AURKB: variants seen among roughly 807,000 people sequenced by gnomAD.
AURKB encodes aurora kinase B, also known as aurora kinase B-Sv1.
Under a neutral mutation model 36.5 loss-of-function variants are expected in AURKB, and 28 were observed. The observed-to-expected ratio is 0.77, with a 90% confidence interval of 0.57 to 1.05. The LOEUF (loss-of-function observed/expected upper bound fraction) is 1.05, where lower values mean the gene tolerates loss of function less well. AURKB is among the 50% of genes least tolerant of loss of function. The pLI, the probability that AURKB is intolerant of heterozygous loss-of-function variation, is 0.00. For missense variants in AURKB, 383 were observed against 447.4 expected (o/e 0.86, Z 1.30); for synonymous variants, 175 against 172.9 (o/e 1.01, Z -0.09).
Position 8,205,333 on chromosome 17 carries a change from G to A in AURKB, c.744C>T (p.Arg248=), listed in dbSNP as rs1323421527. Residue 248 remains arginine, a synonymous_variant, in exon 8 of 9, where the codon CGC becomes CGT. Transcript: ENST00000585124. ...ACAGATCCACCTTCTCATTGTGCAT[G>A]CGCCCCTCAATCATCTCTGGGGGCA... The part of the protein sequence containing the change: ...DYLPPEMIEG[R]MHNEKVDLWC... The A allele has an allele frequency of 1.2e-6, 2 of 1,614,196 alleles. No individual in the cohort carries two copies.
intron 2 of AURKB, among the ~76,000 whole-genome samples, chr17:8,209,307 G>A (rs1985811373): frequency 6.6e-6 from 1 of 152,202 alleles, no homozygotes; most frequent in African/African-American, 2.4e-5. Flanking sequence ...CACCTACCTG[G>A]CCTCACTTTC....
intron 7 of AURKB, 95 bp from the exon 8 acceptor site, chr17:8,205,485 T>C (rs1985130163): frequency 1.3e-6 from 2 of 1,488,344 alleles, no homozygotes; most frequent in Non-Finnish European, 1.8e-6. Flanking sequence ...GACCACGGGA[T>C]GTACCAGGGG....
At chr17:8,208,798 C>A (rs528293354) in intron 2 of AURKB, among the ~76,000 whole-genome samples, 2 of 152,172 alleles carry the variant, frequency 1.3e-5, no homozygotes, top group South Asian at 4.1e-4. Flanking sequence ...CTCACTTACA[C>A]CACAGTAGAG....
In AURKB at chr17:8,207,250, G is replaced by A. The variant is rs1483143465; in HGVS notation, c.324C>T (p.Leu108=). The change falls in exon 5 of 9, where the codon CTC becomes CTT. Residue 108 remains leucine, a synonymous_variant. Coordinates refer to ENST00000585124, the MANE Select transcript of AURKB (RefSeq NM_004217.4). ...CCTCCTTCTCTATCTGGGACTTGAAGAGGACCTTGAGCGCCACGATGAAAT... is the reference window on the plus strand; with the variant it reads ...CCTCCTTCTCTATCTGGGACTTGAAAAGGACCTTGAGCGCCACGATGAAAT... ...KSHFIVALKV[L]FKSQIEKEGV... The A allele has an allele frequency of 1.2e-6, 2 of 1,614,188 alleles. No individual in the cohort carries two copies. Among genetic ancestry groups the A allele is most frequent in the Admixed American group, 1.7e-5 (1 of 60,018 alleles).
chr17:8,207,104 G>T, intron 5 of AURKB, 72 bp downstream of exon 5: 1 of 1,533,622 alleles, frequency 6.5e-7, no homozygotes, highest in East Asian at 2.3e-5. Flanking sequence ...CAATCTGGAT[G>T]AAGTGGGGCT....
intron 7 of AURKB, 135 bp from the exon 8 acceptor site, chr17:8,205,525 T>C: frequency 2.7e-6 from 3 of 1,102,388 alleles, no homozygotes; most frequent in South Asian, 3.0e-5. Context: ...GCCACTGGAG[T>C]GGGGGTGGGG....
intron 2 of AURKB, among the ~76,000 whole-genome samples, chr17:8,208,636 T>TAAATAAA (rs1555529408): frequency 0.012 from 1,673 of 135,688 alleles, 26 homozygotes; most frequent in Admixed American, 0.039. Flanking sequence ...AAATAAAAAA[T>TAAATAAA]AAATAACCTA....
At chr17:8,205,518 A>C in intron 7 of AURKB, 128 bp from the exon 8 acceptor site, 7 of 1,190,194 alleles carry the variant, frequency 5.9e-6, no homozygotes, top group Non-Finnish European at 8.3e-6. Context: ...AGGCAAGGCC[A>C]CTGGAGTGGG....
Position 8,204,858 on chromosome 17 carries a change from A to G in AURKB, c.*13T>C. On this transcript the variant is annotated 3_prime_UTR_variant, in exon 9 of 9. Coordinates refer to ENST00000585124, the MANE Select transcript of AURKB (RefSeq NM_004217.4). ...CATACAAACACACGCACCCGAGTGA[A>G]TGACAGGGACCATCAGGCGACAGAT... 5 of 1,611,932 alleles carry G rather than the reference A, an allele frequency of 3.1e-6. No homozygotes were observed. Among genetic ancestry groups the G allele is most frequent in the Non-Finnish European group, 4.2e-6 (5 of 1,179,448 alleles).
At chr17:8,208,819 A>G (rs1003037828) in intron 2 of AURKB, among the ~76,000 whole-genome samples, 7 of 152,104 alleles carry the variant, frequency 4.6e-5, no homozygotes, top group Middle Eastern at 3.2e-3. Flanking sequence ...AGCTGCGTCA[A>G]TGAACACCCA....
chr17:8,209,243 C>T (rs760180874), intron 2 of AURKB, among the ~76,000 whole-genome samples: 69 of 152,214 alleles, frequency 4.5e-4, no homozygotes, highest in Admixed American at 1.4e-3. Context: ...GAACTCCTGA[C>T]CTCAGGTGAT....
At position 8,206,902 on chromosome 17, in the gene AURKB, C is replaced by G; in HGVS notation, c.399-14G>C. The G allele has an allele frequency of 6.2e-7, 1 of 1,614,104 alleles. No homozygotes were observed. Among genetic ancestry groups the G allele is most frequent in the Non-Finnish European group, 8.5e-7 (1 of 1,180,042 alleles). On this transcript the variant is annotated splice_polypyrimidine_tract_variant and intron_variant, in intron 5 of 8. Transcript: ENST00000585124. The surrounding 1 kb of genome is among the most constrained non-coding windows in gnomAD (Gnocchi z 4.2). Reference sequence around the variant, plus strand: ...ATGTTGGGATGGCTGGGGGAAGAGACAGAGGAGGCCTCAGGCCAAAGGCAT... The same window carrying G: ...ATGTTGGGATGGCTGGGGGAAGAGAGAGAGGAGGCCTCAGGCCAAAGGCAT...
chr17:8,209,141 C>T (rs1985787946), intron 2 of AURKB, among the ~76,000 whole-genome samples: 1 of 152,098 alleles, frequency 6.6e-6, no homozygotes, highest in Non-Finnish European at 1.5e-5. Flanking sequence ...CTGCCTCGGC[C>T]TCCTGAGTAG....
chr17:8,205,658 C>T (rs1439485212), intron 7 of AURKB, among the ~76,000 whole-genome samples: 2 of 152,174 alleles, frequency 1.3e-5, no homozygotes, highest in Non-Finnish European at 2.9e-5. Flanking sequence ...TTGGAGTTCA[C>T]TGGGGACATC....
rs1162784284 is a variant in AURKB, at chr17:8,210,103, AG to A, written c.48+73del. Reference sequence around the variant, plus strand: ...AAGTGCTTAAAGGATTGCTCATTGCAGGATCTCAAGTTTCCCAGCAGGAACT... The same window carrying A: ...AAGTGCTTAAAGGATTGCTCATTGCAGATCTCAAGTTTCCCAGCAGGAACT... On this transcript the variant is annotated intron_variant, in intron 2 of 8. Coordinates refer to ENST00000585124, the MANE Select transcript of AURKB (RefSeq NM_004217.4). 7 of 1,555,780 alleles carry A rather than the reference AG, an allele frequency of 4.5e-6. No individual in the cohort carries two copies. The African/African-American group carries it at 5.4e-5, about 12-fold the overall frequency.
intron 1 of AURKB, 86 bp downstream of exon 1, chr17:8,210,444 C>T: frequency 3.5e-6 from 2 of 568,238 alleles, no homozygotes; most frequent in South Asian, 2.2e-5. Flanking sequence ...CTGCGGCGTG[C>T]GCGCAGGCCA....
chr17:8,207,526 C>A, intron 4 of AURKB, 45 bp downstream of exon 4: 1 of 1,601,576 alleles, frequency 6.2e-7, no homozygotes, highest in South Asian at 1.1e-5. Context: ...CCTGCCTGTT[C>A]ATTGTCCCCT....
chr17:8,209,233 G>A (rs1181219942), intron 2 of AURKB, among the ~76,000 whole-genome samples: 3 of 152,154 alleles, frequency 2.0e-5, no homozygotes, highest in African/African-American at 7.2e-5. Context: ...GGCTGGTCTC[G>A]AACTCCTGAC....
At position 8,207,600 on chromosome 17, in the gene AURKB, C is replaced by T. The variant is rs779419554; in HGVS notation, c.177G>A (p.Glu59=). The T allele has an allele frequency of 1.9e-6, 3 of 1,613,672 alleles. No individual in the cohort carries two copies. The highest frequency in any genetic ancestry group is 2.7e-5 in the African/African-American group (2 of 74,882). The part of the protein sequence containing the change: ...PTAAPGQKVM[E]NSSGTPDILT... ...AGATGTCGGGTGTCCCACTGCTATT[C>T]TCCATCACCTTCTGGCCAGGGGCAG... Residue 59 remains glutamate (E), a synonymous_variant, in exon 4 of 9, where the codon GAG becomes GAA. Coordinates refer to ENST00000585124, the MANE Select transcript of AURKB (RefSeq NM_004217.4).
Sources: gnomAD v4.1 joint callset for allele counts (sites outside exome capture counted in the v4.1 genomes callset) on GRCh38, gnomAD v4.1.1 for gene constraint, Gnocchi (gnomAD v3.1) non-coding constraint, MANE v1.5 for transcripts, NCBI Gene and HGNC (gene_info 2026-07-23, HGNC 2026-07-21) for gene names.